The following SGCZ variants were observed in gnomAD, a reference collection of about 807,000 sequenced individuals.
SGCZ encodes zeta-sarcoglycan.
SGCZ carries 40 observed loss-of-function variants against 41.3 expected under a neutral mutation model. The ratio of observed to expected loss-of-function variants is 0.97; its 90% CI spans 0.75 to 1.26. The LOEUF is 1.26. SGCZ is among the 50% of genes most tolerant of loss of function. SGCZ has a pLI of 0.00. For missense variants in SGCZ, 552 were observed against 369.8 expected (o/e 1.49, Z -4.04); for synonymous variants, 206 against 137.5 (o/e 1.50, Z -3.49).
intron 4 of SGCZ, among the ~76,000 whole-genome samples, chr8:14,232,504 T>C (rs1387625371): frequency 6.6e-6 from 1 of 152,092 alleles, no homozygotes; most frequent in Non-Finnish European, 1.5e-5. Flanking sequence ...GCCCTAAGTT[T>C]CAAGAATTAC....
intron 1 of SGCZ, among the ~76,000 whole-genome samples, chr8:15,009,146 A>C (rs1802729119): frequency 6.6e-6 from 1 of 152,196 alleles, no homozygotes; most frequent in Non-Finnish European, 1.5e-5. Flanking sequence ...TATAAAGAAA[A>C]GAGGTTTACT....
intron 1 of SGCZ, among the ~76,000 whole-genome samples, chr8:14,782,055 C>T (rs556306657): frequency 2.0e-5 from 3 of 152,114 alleles, no homozygotes; most frequent in African/African-American, 7.2e-5. Context: ...GGGTGACAAA[C>T]TTGTACAATG....
intron 2 of SGCZ, among the ~76,000 whole-genome samples, chr8:14,343,011 G>A (rs1802764843): frequency 6.6e-6 from 1 of 152,170 alleles, no homozygotes; most frequent in African/African-American, 2.4e-5. Flanking sequence ...ACTGAAAGGG[G>A]CCAAGGTACA....
chr8:14,106,254 G>A (rs1563129858), intron 6 of SGCZ, among the ~76,000 whole-genome samples: 1 of 151,558 alleles, frequency 6.6e-6, no homozygotes. Context: ...CAGTTTGTTA[G>A]GAGAAGAAAG....
At chr8:14,572,861 T>C (rs540761090) in intron 1 of SGCZ, among the ~76,000 whole-genome samples, 1 of 152,214 alleles carries the variant, frequency 6.6e-6, no homozygotes, top group Non-Finnish European at 1.5e-5. Context: ...TTTTTTTTGA[T>C]ATGGGAGTTA....
chr8:14,513,857 A>G (rs1235352070), intron 2 of SGCZ, among the ~76,000 whole-genome samples: 1 of 152,008 alleles, frequency 6.6e-6, no homozygotes, highest in Non-Finnish European at 1.5e-5. Context: ...AGACATTTGT[A>G]ACTACTCTCT....
In SGCZ at chr8:14,542,189, G is replaced by A. The variant is rs1463209199; in HGVS notation, c.234+12543C>T. Reference sequence around the variant, plus strand: ...TGTTATTATTGCTTTTGATGTTTTAGTCATGAAGTCTTTGTCCATGCCTGT... The same window carrying A: ...TGTTATTATTGCTTTTGATGTTTTAATCATGAAGTCTTTGTCCATGCCTGT... On this transcript the variant is annotated intron_variant, in intron 2 of 7. Coordinates refer to ENST00000382080, the MANE Select transcript of SGCZ (RefSeq NM_139167.4). Among the ~76,000 whole-genome samples the A allele has an allele frequency of 2.0e-5, 3 of 152,106 alleles. No homozygotes were observed. In the East Asian group the frequency reaches 5.8e-4, roughly 30 times the overall value.
rs568375872 is a variant in SGCZ, at chr8:15,066,252, G to A, written c.39+171333C>T. On this transcript the variant is annotated intron_variant, in intron 1 of 7. Transcript: ENST00000382080. The stretch of plus-strand genomic sequence containing the variant: ...GAACCCGGGAAGCGGAGCTTGCCGT[G>A]AGCCGAGATTGCGCCACTGCAGTCC... Among the ~76,000 whole-genome samples, 274 of 150,002 alleles carry A rather than the reference G, an allele frequency of 1.8e-3. 1 individual carries two copies. The highest frequency in any genetic ancestry group is 6.4e-3 in the African/African-American group (260 of 40,788).
intron 1 of SGCZ, among the ~76,000 whole-genome samples, chr8:15,195,644 C>T (rs1003717465): frequency 6.6e-6 from 1 of 152,102 alleles, no homozygotes; most frequent in Admixed American, 6.5e-5. Context: ...CAGTGAAATA[C>T]TTCTATAAGG....
intron 1 of SGCZ, among the ~76,000 whole-genome samples, chr8:15,163,419 T>C (rs1398458612): frequency 6.6e-6 from 1 of 152,236 alleles, no homozygotes; most frequent in Admixed American, 6.5e-5. Flanking sequence ...AAGTTGCATT[T>C]ATATACACTG....
intron 1 of SGCZ, among the ~76,000 whole-genome samples, chr8:15,217,214 G>A (rs1405702273): frequency 1.3e-5 from 2 of 151,628 alleles, no homozygotes; most frequent in Non-Finnish European, 1.5e-5. Context: ...TCAGGAGATC[G>A]AGACCATCTT....
intron 1 of SGCZ, among the ~76,000 whole-genome samples, chr8:14,724,377 A>C (rs1266945138): frequency 1.3e-5 from 2 of 151,992 alleles, no homozygotes; most frequent in Non-Finnish European, 2.9e-5. Context: ...TAAGTATAAA[A>C]ATTCAGAGAG....
At chr8:15,084,915 C>A (rs1805894273) in intron 1 of SGCZ, among the ~76,000 whole-genome samples, 2 of 152,162 alleles carry the variant, frequency 1.3e-5, no homozygotes. Context: ...TGAAACCACA[C>A]CAAATGCCTC....
chr8:14,514,061 G>C (rs1802541243), intron 2 of SGCZ, among the ~76,000 whole-genome samples: 2 of 152,068 alleles, frequency 1.3e-5, no homozygotes, highest in African/African-American at 2.4e-5. Flanking sequence ...TGTAGGAGTT[G>C]CATTGGTGAT....
At chr8:14,279,227 T>G (rs562121152) in intron 3 of SGCZ, among the ~76,000 whole-genome samples, 1 of 152,072 alleles carries the variant, frequency 6.6e-6, no homozygotes, top group Admixed American at 6.6e-5. Flanking sequence ...CTTTTGGTTT[T>G]CTTTGAGAAT....
At chr8:14,808,815 G>A (rs377542383) in intron 1 of SGCZ, among the ~76,000 whole-genome samples, 2 of 151,802 alleles carry the variant, frequency 1.3e-5, no homozygotes, top group Admixed American at 1.3e-4. Flanking sequence ...CAATAGCAAA[G>A]ACTTGGAACC....
intron 1 of SGCZ, among the ~76,000 whole-genome samples, chr8:14,886,946 A>G (rs1804829636): frequency 6.6e-6 from 1 of 152,092 alleles, no homozygotes. Flanking sequence ...TTCTGAATGT[A>G]TTATTAGATT....
At chr8:14,772,743 C>T (rs1475642619) in intron 1 of SGCZ, among the ~76,000 whole-genome samples, 4 of 152,026 alleles carry the variant, frequency 2.6e-5, no homozygotes, top group Admixed American at 2.6e-4. Context: ...CATGTCCCTA[C>T]AAAGGACATG....
intron 4 of SGCZ, among the ~76,000 whole-genome samples, chr8:14,167,570 G>A (rs1804247166): frequency 6.6e-6 from 1 of 151,820 alleles, no homozygotes; most frequent in East Asian, 1.9e-4. Context: ...AGAAGTCAAG[G>A]ATAGAAGAAG....
Sources: gnomAD v4.1 joint callset for allele counts (sites outside exome capture counted in the v4.1 genomes callset) on GRCh38, gnomAD v4.1.1 for gene constraint, MANE v1.5 for transcripts, NCBI Gene and HGNC (gene_info 2026-07-23, HGNC 2026-07-21) for gene names.